Variants in EPHA4 observed in about 807,000 individuals in gnomAD.
EPHA4 encodes the protein EPH receptor A4, also known as ephrin type-A receptor 4.
EPHA4 carries 19 observed loss-of-function variants against 108.3 expected under a neutral mutation model. That is an observed-to-expected ratio of 0.18 (90% confidence interval 0.12 to 0.26). EPHA4 has a LOEUF of 0.26. Among genes scored for constraint, EPHA4 ranks in the 10% least tolerant of loss-of-function variants. The probability of loss-of-function intolerance (pLI) is 1.00; values close to 1 mark genes in which losing one functional copy is unlikely to be tolerated. For missense variants in EPHA4, 917 were observed against 1,254.0 expected (o/e 0.73, Z 4.06); for synonymous variants, 449 against 455.5 (o/e 0.99, Z 0.18).
chr2:221,463,237 C>T (rs3755035), intron 5 of EPHA4, among the ~76,000 whole-genome samples: 3,599 of 152,154 alleles, frequency 0.024, 92 homozygotes, highest in East Asian at 0.081. Flanking sequence ...TTTTAAAAAA[C>T]GATGAAGCAA....
intron 3 of EPHA4, among the ~76,000 whole-genome samples, chr2:221,508,806 C>A (rs1460026541): frequency 1.3e-5 from 2 of 152,176 alleles, no homozygotes; most frequent in East Asian, 3.9e-4. Flanking sequence ...AAAATTACAC[C>A]ATGAAATTCA....
At chr2:221,436,651 C>T (rs775192662) in intron 12 of EPHA4, 43 bp from the exon 13 acceptor site, 5 of 1,565,790 alleles carry the variant, frequency 3.2e-6, no homozygotes, top group East Asian at 4.5e-5. Context: ...TAGCATTAGG[C>T]CAAGTTAATT....
rs1690920725 is a variant in EPHA4, at chr2:221,455,630, A to C, written c.1632T>G (p.Ala544=). The part of the protein sequence containing the change: ...TVPSRIIGDG[A]NSTVLLVSVS... ...CAGAGACCAGAAGGACTGTGGAGTT[A>C]GCCCCATCTCCAATGATCCGGGAAG... Residue 544 remains alanine, a synonymous_variant, in exon 8 of 18, where the codon GCT becomes GCG. Coordinates refer to ENST00000281821, the MANE Select transcript of EPHA4 (RefSeq NM_004438.5). The C allele has an allele frequency of 6.2e-7, 1 of 1,613,904 alleles. No individual in the cohort carries two copies. The highest frequency in any genetic ancestry group is 2.2e-5 in the East Asian group (1 of 44,816).
chr2:221,561,039 G>A (rs1694446739), intron 3 of EPHA4, among the ~76,000 whole-genome samples: 1 of 152,118 alleles, frequency 6.6e-6, no homozygotes, highest in Non-Finnish European at 1.5e-5. Context: ...TCAGGAGATG[G>A]AGACCATCCT....
chr2:221,443,349 C>CATGAT, intron 10 of EPHA4, 144 bp downstream of exon 10: 1 of 602,050 alleles, frequency 1.7e-6, no homozygotes, highest in Non-Finnish European at 2.9e-6. Flanking sequence ...CTTTATAACA[C>CATGAT]ATGATATTTT....
chr2:221,548,404 C>G (rs1694065655), intron 3 of EPHA4, among the ~76,000 whole-genome samples: 1 of 152,030 alleles, frequency 6.6e-6, no homozygotes, highest in Non-Finnish European at 1.5e-5. Context: ...TTCTCTCTCT[C>G]ACTCCCACTC....
chr2:221,534,987 A>G (rs116476924), intron 3 of EPHA4, among the ~76,000 whole-genome samples: 291 of 152,356 alleles, frequency 1.9e-3, no homozygotes, highest in African/African-American at 6.5e-3. Flanking sequence ...TTCATCGGCA[A>G]TTCGGGGTGC....
chr2:221,537,686 A>T (rs1559284409), intron 3 of EPHA4, among the ~76,000 whole-genome samples: 1 of 152,220 alleles, frequency 6.6e-6, no homozygotes, highest in Non-Finnish European at 1.5e-5. Flanking sequence ...GCTACTCAGG[A>T]GGCTGAGGCC....
At chr2:221,445,812 A>G (rs1291573020) in intron 9 of EPHA4, among the ~76,000 whole-genome samples, 10 of 152,116 alleles carry the variant, frequency 6.6e-5, no homozygotes, top group Admixed American at 6.6e-4. Flanking sequence ...AGATTAAAAA[A>G]AATACCCATT....
chr2:221,528,344 T>A (rs1693406163), intron 3 of EPHA4, among the ~76,000 whole-genome samples: 1 of 152,178 alleles, frequency 6.6e-6, no homozygotes, highest in South Asian at 2.1e-4. Context: ...GGTAACCATT[T>A]AAACAGGAAG....
intron 5 of EPHA4, among the ~76,000 whole-genome samples, chr2:221,471,598 G>A (rs373583397): frequency 6.6e-6 from 1 of 151,796 alleles, no homozygotes; most frequent in Non-Finnish European, 1.5e-5. Context: ...TACAGTTAAG[G>A]TGAATCCTTG....
At chr2:221,573,575 C>G (rs1317400638), upstream of EPHA4, 3 of 152,364 alleles carry the variant, frequency 2.0e-5, no homozygotes, top group Non-Finnish European at 4.4e-5. The surrounding 1 kb of genome is among the most constrained non-coding windows in gnomAD (Gnocchi z 4.5). Context: ...CCTCCTCTGA[C>G]TCCCTCCAGA....
At chr2:221,455,172 C>A (rs2106116489) in intron 8 of EPHA4, among the ~76,000 whole-genome samples, 1 of 152,276 alleles carries the variant, frequency 6.6e-6, no homozygotes, top group Admixed American at 6.5e-5. Flanking sequence ...TAGTAGCTGG[C>A]AAATGGCAGA....
intron 11 of EPHA4, among the ~76,000 whole-genome samples, chr2:221,438,052 C>A (rs1038912018): frequency 3.9e-5 from 6 of 152,116 alleles, no homozygotes; most frequent in African/African-American, 1.4e-4. Context: ...CCTTAAACTG[C>A]CTACCTCAAA....
chr2:221,443,399 A>G, intron 10 of EPHA4, 94 bp downstream of exon 10: 1 of 900,006 alleles, frequency 1.1e-6, no homozygotes, highest in South Asian at 1.6e-5. Context: ...ACACACATAT[A>G]ATATACTCAC....
At chr2:221,535,418 T>C (rs550364928) in intron 3 of EPHA4, among the ~76,000 whole-genome samples, 7 of 152,236 alleles carry the variant, frequency 4.6e-5, no homozygotes, top group Non-Finnish European at 7.3e-5. Context: ...AGTTATCTTA[T>C]GCCATTCTTA....
intron 4 of EPHA4, among the ~76,000 whole-genome samples, chr2:221,497,011 C>G (rs183773748): frequency 3.6e-4 from 55 of 152,176 alleles, no homozygotes; most frequent in Admixed American, 2.4e-3. Context: ...TCCTACCCCC[C>G]CACCAGAAAT....
intron 3 of EPHA4, among the ~76,000 whole-genome samples, chr2:221,523,350 C>T (rs963728601): frequency 3.3e-5 from 5 of 150,282 alleles, no homozygotes; most frequent in Admixed American, 1.3e-4. Context: ...TGCAATGGCA[C>T]GATCTCGGCT....
At chr2:221,430,713 G>A (rs914743890) in intron 14 of EPHA4, among the ~76,000 whole-genome samples, 2 of 152,070 alleles carry the variant, frequency 1.3e-5, no homozygotes, top group African/African-American at 4.8e-5. Flanking sequence ...TCTACCCCTA[G>A]ACACCAACTC....
Sources: gnomAD v4.1 joint callset for allele counts (sites outside exome capture counted in the v4.1 genomes callset) on GRCh38, gnomAD v4.1.1 for gene constraint, Gnocchi (gnomAD v3.1) non-coding constraint, MANE v1.5 for transcripts, NCBI Gene and HGNC (gene_info 2026-07-23, HGNC 2026-07-21) for gene names.